Variants in SHC3 observed in about 807,000 individuals in gnomAD.
The protein encoded by SHC3 is SHC-transforming protein 3.
Under a neutral mutation model 60.4 loss-of-function variants are expected in SHC3, and 15 were observed. The ratio of observed to expected loss-of-function variants is 0.25; its 90% CI spans 0.17 to 0.38. SHC3 has a LOEUF of 0.38. Among genes scored for constraint, SHC3 ranks in the 10% least tolerant of loss-of-function variants. The probability of loss-of-function intolerance (pLI) is 1.00; values close to 1 mark genes in which losing one functional copy is unlikely to be tolerated. For missense variants in SHC3, 677 were observed against 786.1 expected (o/e 0.86, Z 1.66); for synonymous variants, 294 against 325.9 (o/e 0.90, Z 1.05).
intron 1 of SHC3, among the ~76,000 whole-genome samples, chr9:89,161,712 A>G (rs1826709620): frequency 6.6e-6 from 1 of 151,450 alleles, no homozygotes; most frequent in Non-Finnish European, 1.5e-5. Context: ...CACCACTCCT[A>G]TTCAACATAG....
At chr9:89,048,045 A>G (rs1587694334) in intron 7 of SHC3, among the ~76,000 whole-genome samples, 1 of 152,240 alleles carries the variant, frequency 6.6e-6, no homozygotes, top group African/African-American at 2.4e-5. Context: ...GGAGTTCAAG[A>G]CCAGCCTGAG....
chr9:89,158,997 A>G (rs144516948), intron 1 of SHC3, among the ~76,000 whole-genome samples: 236 of 152,306 alleles, frequency 1.5e-3, no homozygotes, highest in African/African-American at 5.4e-3. Context: ...AGTCAAGTGG[A>G]CCATAGCATA....
At chr9:89,079,230 A>C (rs1825409230) in intron 2 of SHC3, among the ~76,000 whole-genome samples, 1 of 152,250 alleles carries the variant, frequency 6.6e-6, no homozygotes, top group Admixed American at 6.5e-5. Context: ...CAAAGTGACC[A>C]ATCACGTATC....
intron 11 of SHC3, among the ~76,000 whole-genome samples, chr9:89,027,318 G>A (rs997495356): frequency 9.2e-5 from 10 of 108,564 alleles, no homozygotes; most frequent in Non-Finnish European, 1.5e-4. Context: ...AGTGATGGGT[G>A]AAATTCTGAT....
At chr9:89,156,197 AGAATCCCTATGG>A (rs1289082087) in intron 1 of SHC3, among the ~76,000 whole-genome samples, 1 of 152,196 alleles carries the variant, frequency 6.6e-6, no homozygotes, top group African/African-American at 2.4e-5. Flanking sequence ...TGGACACTCA[AGAATCCCTATGG>A]GAAAAATATG....
chr9:89,051,630 A>G (rs1256367078), intron 7 of SHC3, among the ~76,000 whole-genome samples: 4 of 152,212 alleles, frequency 2.6e-5, no homozygotes, highest in African/African-American at 9.6e-5. Context: ...TGCCTCACGG[A>G]GGGGACCTCT....
At chr9:89,018,332 T>G (rs1826131356) in intron 11 of SHC3, among the ~76,000 whole-genome samples, 1 of 152,138 alleles carries the variant, frequency 6.6e-6, no homozygotes, top group Non-Finnish European at 1.5e-5. Flanking sequence ...TGAGTTCATG[T>G]CCTTTGCAGG....
chr9:89,066,241 G>T (rs1825178764), intron 5 of SHC3, among the ~76,000 whole-genome samples: 1 of 152,170 alleles, frequency 6.6e-6, no homozygotes, highest in Non-Finnish European at 1.5e-5. Flanking sequence ...GTTTCTAGCT[G>T]CTGCTGCTCT....
Position 89,013,505 on chromosome 9 carries a change from G to A in SHC3, c.1727C>T (p.Pro576Leu). The change falls in exon 12 of 12, where the codon CCC (proline) becomes CTC (leucine). Residue 576 changes from proline to leucine, a missense_variant. Physicochemically the swap from Pro to Leu is moderately conservative, Grantham distance 98 (BLOSUM62 -3). Transcript: ENST00000375835. Reference protein sequence around the residue: ...LINHHLESSLPIVSAGSELCL... With the variant: ...LINHHLESSLLIVSAGSELCL... Reference sequence around the variant, plus strand: ...CAGCTCACTCCCTGCAGAGACAATGGGCAGGCTGCTTTCTAGGTGGTGGTT... The same window carrying A: ...CAGCTCACTCCCTGCAGAGACAATGAGCAGGCTGCTTTCTAGGTGGTGGTT... The A allele has an allele frequency of 1.9e-6, 3 of 1,613,994 alleles. No individual in the cohort carries two copies. Among genetic ancestry groups the A allele is most frequent in the South Asian group, 1.1e-5 (1 of 91,070 alleles).
intron 2 of SHC3, chr9:89,110,040 TCTC>T: frequency 1.0e-6 from 1 of 985,408 alleles, no homozygotes; most frequent in Non-Finnish European, 1.2e-6. Context: ...GTGATAAATT[TCTC>T]CTCAGAACCC....
At chr9:89,102,730 T>C (rs1219503351) in intron 2 of SHC3, among the ~76,000 whole-genome samples, 2 of 152,242 alleles carry the variant, frequency 1.3e-5, no homozygotes, top group Admixed American at 6.5e-5. Context: ...CATTTCATTA[T>C]ACCATTGGTG....
intron 2 of SHC3, among the ~76,000 whole-genome samples, chr9:89,098,298 G>C (rs922967180): frequency 6.6e-6 from 1 of 152,010 alleles, no homozygotes; most frequent in Non-Finnish European, 1.5e-5. Flanking sequence ...CTGGAATGAG[G>C]GGAAAAAAAA....
intron 2 of SHC3, among the ~76,000 whole-genome samples, chr9:89,090,960 G>T (rs957455689): frequency 6.6e-6 from 1 of 152,192 alleles, no homozygotes; most frequent in East Asian, 1.9e-4. Context: ...GCAAGACATG[G>T]CATAACAAGT....
intron 11 of SHC3, among the ~76,000 whole-genome samples, chr9:89,035,868 T>TATATATA (rs1587687056): frequency 6.9e-6 from 1 of 144,484 alleles, no homozygotes; most frequent in East Asian, 2.1e-4. Context: ...TGTGTGTGTG[T>TATATATA]GTGTGTGTGT....
rs117356441 is a variant in SHC3 at position 89,011,855 on chromosome 9, C to T, written c.*1592G>A. On this transcript the variant is annotated 3_prime_UTR_variant, in exon 12 of 12. Transcript: ENST00000375835. ...GTATGAAGGCTGGGGCCTGCCCTGACTCATCCTCACTGGTTAGCTCTAACC... is the reference window on the plus strand; with the variant it reads ...GTATGAAGGCTGGGGCCTGCCCTGATTCATCCTCACTGGTTAGCTCTAACC... The T allele has an allele frequency of 0.029, 4,434 of 152,426 alleles. 74 individuals are homozygous for T. The highest frequency in any genetic ancestry group is 0.085 in the Middle Eastern group (25 of 294). The allele number at this position is 152,426 out of a possible 1,614,324, so 9.4% of individuals were successfully genotyped here.
chr9:89,097,125 A>C (rs1486074218), intron 2 of SHC3, among the ~76,000 whole-genome samples: 1 of 151,720 alleles, frequency 6.6e-6, no homozygotes, highest in Non-Finnish European at 1.5e-5. Flanking sequence ...AAAAAAAAAA[A>C]AAAAAAAAAC....
chr9:89,048,334 TAAG>T (rs1285842568), intron 7 of SHC3, among the ~76,000 whole-genome samples: 1 of 151,838 alleles, frequency 6.6e-6, no homozygotes, highest in East Asian at 1.9e-4. Flanking sequence ...CAAATATTAT[TAAG>T]AACTCTAAAA....
rs186772809 is a variant in SHC3, at chr9:89,027,359, G to A, written c.1656+10634C>T. ...TTTTTTGAGACTGAGTCTCGCTGTC[G>A]CCCAGGCTGGAGTGCAGTGGCACGA... On this transcript the variant is annotated intron_variant, in intron 11 of 11. Coordinates refer to ENST00000375835, the MANE Select transcript of SHC3 (RefSeq NM_016848.6). Among the ~76,000 whole-genome samples, 52 of 138,808 alleles carry A rather than the reference G, an allele frequency of 3.7e-4. 1 individual carries two copies. The highest frequency in any genetic ancestry group is 7.5e-3 in the Middle Eastern group (2 of 268). The allele number at this position is 138,808 out of a possible 152,430, so 91.1% of individuals were successfully genotyped here. A position where few individuals can be genotyped will look rare whatever the true frequency, so the allele number is the denominator to read the frequency against.
chr9:89,144,811 A>G (rs1469402026), intron 1 of SHC3, among the ~76,000 whole-genome samples: 1 of 151,726 alleles, frequency 6.6e-6, no homozygotes, highest in Non-Finnish European at 1.5e-5. Flanking sequence ...TTTGGTCTCA[A>G]TGCAGTGTAT....
Sources: gnomAD v4.1 joint callset for allele counts (sites outside exome capture counted in the v4.1 genomes callset) on GRCh38, gnomAD v4.1.1 for gene constraint, MANE v1.5 for transcripts, NCBI Gene and HGNC (gene_info 2026-07-23, HGNC 2026-07-21) for gene names.